Variants in BCAS4 observed in about 807,000 individuals in gnomAD.
The protein encoded by BCAS4 is breast carcinoma-amplified sequence 4.
A neutral mutation model predicts 15.7 loss-of-function variants in BCAS4; 9 were observed. The ratio of observed to expected loss-of-function variants is 0.57; its 90% CI spans 0.34 to 1.00. BCAS4 has a LOEUF of 1.00. Among genes scored for constraint, BCAS4 ranks in the 50% least tolerant of loss-of-function variants. The pLI is 0.02. For synonymous variants in BCAS4, 101 were observed against 99.5 expected (o/e 1.02, Z -0.09); for missense variants, 225 against 239.1 (o/e 0.94, Z 0.39).
At chr20:50,802,591 G>T (rs1480169066) in intron 1 of BCAS4, among the ~76,000 whole-genome samples, 3 of 152,200 alleles carry the variant, frequency 2.0e-5, no homozygotes, top group Admixed American at 2.0e-4. Context: ...AACACGTTAG[G>T]CCAGGCATGT....
chr20:50,830,737 C>G (rs1176010173), intron 3 of BCAS4, among the ~76,000 whole-genome samples: 8 of 152,272 alleles, frequency 5.3e-5, no homozygotes, highest in Middle Eastern at 3.4e-3. Context: ...CTAGTCCCAG[C>G]TACTTGGGAG....
At chr20:50,807,789 G>A (rs1323049793) in intron 1 of BCAS4, among the ~76,000 whole-genome samples, 1 of 151,838 alleles carries the variant, frequency 6.6e-6, no homozygotes, top group East Asian at 1.9e-4. Flanking sequence ...GAGTTACTTC[G>A]CTTAGAGTAA....
intron 3 of BCAS4, among the ~76,000 whole-genome samples, chr20:50,831,289 C>T (rs543902849): frequency 2.0e-5 from 3 of 152,074 alleles, no homozygotes; most frequent in Admixed American, 6.6e-5. Flanking sequence ...ATCAACCGGG[C>T]GTGGTGACAC....
chr20:50,824,255 G>A (rs1209108191), intron 2 of BCAS4, among the ~76,000 whole-genome samples: 1 of 152,248 alleles, frequency 6.6e-6, no homozygotes, highest in Non-Finnish European at 1.5e-5. Context: ...CATAAATGGA[G>A]AACATTTCCT....
intron 4 of BCAS4, among the ~76,000 whole-genome samples, chr20:50,872,593 A>G: frequency 6.6e-6 from 1 of 151,366 alleles, no homozygotes; most frequent in Non-Finnish European, 1.5e-5. Context: ...AAAAAAAAAA[A>G]AGAAAAAAAT....
chr20:50,831,511 A>G (rs1389430218), intron 3 of BCAS4, among the ~76,000 whole-genome samples: 1 of 152,122 alleles, frequency 6.6e-6, no homozygotes, highest in Non-Finnish European at 1.5e-5. Context: ...CTGTTGCCTT[A>G]CCGCTGACGT....
chr20:50,829,181 G>A (rs1274858907), intron 2 of BCAS4, among the ~76,000 whole-genome samples: 1 of 152,190 alleles, frequency 6.6e-6, no homozygotes, highest in Non-Finnish European at 1.5e-5. Context: ...CTCAAACTAG[G>A]AGAGGCTGGG....
At chr20:50,881,311 A>G (rs930629741), downstream of BCAS4, 1 of 152,246 alleles carries the variant, frequency 6.6e-6, no homozygotes, top group Non-Finnish European at 1.5e-5. Flanking sequence ...GCCATAAAAG[A>G]GGTCAATTTG....
At chr20:50,873,494 G>A (rs1382268835) in intron 4 of BCAS4, among the ~76,000 whole-genome samples, 3 of 152,230 alleles carry the variant, frequency 2.0e-5, no homozygotes, top group Non-Finnish European at 4.4e-5. Context: ...GAACTCCCAT[G>A]ATTCACTTGA....
intron 3 of BCAS4, chr20:50,832,882 T>A (rs1380753504): frequency 1.3e-5 from 2 of 152,180 alleles, no homozygotes; most frequent in Non-Finnish European, 2.9e-5. Flanking sequence ...CATTCCAAGA[T>A]CCTTAACTTA....
chr20:50,841,945 T>G (rs1172457930), intron 4 of BCAS4, 45 bp downstream of exon 4: 14 of 1,520,118 alleles, frequency 9.2e-6, no homozygotes, highest in African/African-American at 1.4e-5. Context: ...CTCTCCCCCT[T>G]CGCTCCGCAG....
rs1979966151 is a variant in BCAS4 at position 50,876,605 on chromosome 20, G to A, written c.519G>A (p.Leu173=). Residue 173 remains leucine, a synonymous_variant, in exon 5 of 5, where the codon TTG becomes TTA. Coordinates refer to ENST00000371608, the MANE Select transcript of BCAS4 (RefSeq NM_198799.4). ...ACCCCCGCACCTGCCCTCGGCCTTT[G>A]TGAGCTTTGTGGTCTTCCCATCAGG... The part of the protein sequence containing the change: ...QHHPRTCPRP[L] The A allele has an allele frequency of 1.2e-6, 2 of 1,613,948 alleles. No homozygotes were observed. Among genetic ancestry groups the A allele is most frequent in the East Asian group, 4.5e-5 (2 of 44,876 alleles).
chr20:50,840,183 CTTTT>C (rs1012064956), intron 3 of BCAS4, among the ~76,000 whole-genome samples: 1 of 152,052 alleles, frequency 6.6e-6, no homozygotes, highest in East Asian at 1.9e-4. Flanking sequence ...AGCCAGAATT[CTTTT>C]TTTATTTATT....
chr20:50,795,069 C>A lies in BCAS4; in HGVS notation c.-15C>A, dbSNP rs1323747910. 3 of 1,488,766 alleles carry A rather than the reference C, an allele frequency of 2.0e-6. No individual in the cohort carries two copies. Among genetic ancestry groups the A allele is most frequent in the Admixed American group, 2.1e-5 (1 of 47,146 alleles). 92.2% of individuals were successfully genotyped at this position (1,488,766 alleles called of 1,614,324 possible). On this transcript the variant is annotated 5_prime_UTR_variant, in exon 1 of 5. Transcript: ENST00000371608. The stretch of plus-strand genomic sequence containing the variant: ...CCCAGGCAGCCTCCGCCAGCCGGAC[C>A]CCGTCGCCCTCCTGATGCTGCTCGT...
intron 3 of BCAS4, chr20:50,840,837 T>G: frequency 1.0e-6 from 1 of 976,488 alleles, no homozygotes; most frequent in South Asian, 1.3e-5. Context: ...CCAATTTTAT[T>G]TATTTTTTTG....
At chr20:50,852,038 C>A (rs1978457703) in intron 4 of BCAS4, among the ~76,000 whole-genome samples, 1 of 152,252 alleles carries the variant, frequency 6.6e-6, no homozygotes, top group Non-Finnish European at 1.5e-5. Context: ...CTTTGGGCCA[C>A]CACAAGCAGC....
intron 4 of BCAS4, among the ~76,000 whole-genome samples, chr20:50,861,951 T>C (rs1196664533): frequency 1.4e-5 from 2 of 140,170 alleles, no homozygotes; most frequent in Non-Finnish European, 3.1e-5. Context: ...CCTCCTAGAC[T>C]CAAACGATCC....
At chr20:50,869,742 CTTT>C (rs55685532) in intron 4 of BCAS4, among the ~76,000 whole-genome samples, 1 of 77,640 alleles carries the variant, frequency 1.3e-5, no homozygotes, top group Non-Finnish European at 2.3e-5. Flanking sequence ...CCTGGCACTG[CTTT>C]TTTTTTTTTT....
At chr20:50,796,468 TATATATATATATATATA>T (rs2087859686) in intron 1 of BCAS4, among the ~76,000 whole-genome samples, 5 of 12,310 alleles carry the variant, frequency 4.1e-4, no homozygotes. Flanking sequence ...TATATATATA[TATATATATATATATATA>T]TATTTTTTTT....
Sources: allele counts gnomAD v4.1 joint callset (sites outside exome capture counted in the v4.1 genomes callset), GRCh38; gene constraint gnomAD v4.1.1; transcripts MANE v1.5; gene names NCBI Gene and HGNC (gene_info 2026-07-23, HGNC 2026-07-21).